IL1RAPL2: variants seen among roughly 807,000 people sequenced by gnomAD.
IL1RAPL2 encodes interleukin 1 receptor accessory protein like 2.
A neutral mutation model predicts 44.1 loss-of-function variants in IL1RAPL2; 3 were observed. The observed-to-expected ratio is 0.07, with a 90% CI of 0.03 to 0.18. IL1RAPL2 has a LOEUF of 0.18. Ranked by LOEUF, IL1RAPL2 falls within the 10% of genes least tolerant of loss-of-function variation. The probability of loss-of-function intolerance (pLI) is 1.00; values close to 1 mark genes in which losing one functional copy is unlikely to be tolerated. For synonymous variants in IL1RAPL2, 181 were observed against 178.8 expected (o/e 1.01, Z -0.10); for missense variants, 391 against 496.4 (o/e 0.79, Z 2.02).
At chrX:104,695,169 G>A (rs1397551113) in intron 2 of IL1RAPL2, among the ~76,000 whole-genome samples, 2 of 112,537 alleles carry the variant, frequency 1.8e-5, no homozygotes, top group African/African-American at 6.4e-5. Flanking sequence ...GACCTAGCTT[G>A]TGTGACTATC....
intron 4 of IL1RAPL2, among the ~76,000 whole-genome samples, chrX:105,252,150 A>G (rs945706545): frequency 3.6e-5 from 4 of 111,054 alleles, no homozygotes; most frequent in Non-Finnish European, 7.6e-5. Flanking sequence ...ATAATTTTCC[A>G]TTTTCCAGAA....
intron 1 of IL1RAPL2, among the ~76,000 whole-genome samples, chrX:104,642,255 T>C (rs905813061): frequency 8.9e-6 from 1 of 112,013 alleles, no homozygotes; most frequent in African/African-American, 3.2e-5. Context: ...TGACTGTCCA[T>C]ACACTATTTT....
intron 2 of IL1RAPL2, among the ~76,000 whole-genome samples, chrX:105,096,483 G>A (rs997852844): frequency 3.6e-5 from 4 of 112,429 alleles, no homozygotes; most frequent in African/African-American, 1.3e-4. Context: ...AATAAAATGT[G>A]TTATAACCAC....
intron 3 of IL1RAPL2, among the ~76,000 whole-genome samples, chrX:105,202,904 C>T (rs1341233597): frequency 1.8e-5 from 2 of 111,620 alleles, no homozygotes; most frequent in African/African-American, 6.5e-5. Context: ...TGTCATGGAC[C>T]TCAAATTGAC....
At chrX:105,526,074 T>G in intron 6 of IL1RAPL2, among the ~76,000 whole-genome samples, 1 of 111,988 alleles carries the variant, frequency 8.9e-6, no homozygotes, top group East Asian at 2.8e-4. Flanking sequence ...TAATAGTAAT[T>G]AAAATAACTA....
intron 6 of IL1RAPL2, among the ~76,000 whole-genome samples, chrX:105,633,849 T>TA (rs745382858): frequency 3.7e-4 from 41 of 111,249 alleles, no homozygotes; most frequent in Middle Eastern, 4.6e-3. Context: ...AGGGAGAAAA[T>TA]ATTTGGTGCC....
intron 2 of IL1RAPL2, among the ~76,000 whole-genome samples, chrX:104,927,626 A>G (rs1042348447): frequency 2.7e-5 from 3 of 111,896 alleles, no homozygotes; most frequent in Non-Finnish European, 3.8e-5. Flanking sequence ...TACGAAATCT[A>G]AAGTACACTT....
intron 2 of IL1RAPL2, among the ~76,000 whole-genome samples, chrX:104,951,288 C>G (rs1408176868): frequency 8.9e-6 from 1 of 112,166 alleles, no homozygotes; most frequent in Admixed American, 9.5e-5. Flanking sequence ...CAGGAGATCT[C>G]TATTTGTGAA....
intron 4 of IL1RAPL2, among the ~76,000 whole-genome samples, chrX:105,235,597 G>A (rs1229741915): frequency 5.4e-5 from 6 of 111,495 alleles, no homozygotes; most frequent in Non-Finnish European, 9.4e-5. Flanking sequence ...GTACTAGAAC[G>A]TCCAGGTCTC....
chrX:104,845,669 T>C (rs1308274319), intron 2 of IL1RAPL2, among the ~76,000 whole-genome samples: 1 of 111,862 alleles, frequency 8.9e-6, no homozygotes, highest in Non-Finnish European at 1.9e-5. Flanking sequence ...ATTATTGTTA[T>C]TGGGGATTTA....
chrX:104,643,519 G>A (rs975846728), intron 1 of IL1RAPL2, among the ~76,000 whole-genome samples: 1 of 111,413 alleles, frequency 9.0e-6, no homozygotes, highest in African/African-American at 3.3e-5. Flanking sequence ...GCTACCTGGG[G>A]CCTTAAAGAG....
chrX:104,599,315 A>G (rs7881893), intron 1 of IL1RAPL2, among the ~76,000 whole-genome samples: 3,157 of 111,453 alleles, frequency 0.028, 131 homozygotes, highest in African/African-American at 0.098. Flanking sequence ...TGGCGTGATC[A>G]TGGCTCACTC....
chrX:104,941,376 CTT>C (rs1925170078), intron 2 of IL1RAPL2, among the ~76,000 whole-genome samples: 5 of 111,227 alleles, frequency 4.5e-5, no homozygotes, highest in African/African-American at 1.3e-4. Flanking sequence ...TTTTTCCTGA[CTT>C]TTTAATGATC....
intron 2 of IL1RAPL2, among the ~76,000 whole-genome samples, chrX:104,696,719 G>C (rs1208000298): frequency 9.0e-6 from 1 of 111,612 alleles, no homozygotes; most frequent in Non-Finnish European, 1.9e-5. Context: ...GATTCTACAG[G>C]AAATGAAGTT....
At chrX:105,009,317 C>T (rs2031002749) in intron 2 of IL1RAPL2, among the ~76,000 whole-genome samples, 1 of 110,554 alleles carries the variant, frequency 9.0e-6, no homozygotes, top group Non-Finnish European at 1.9e-5. Flanking sequence ...TATTGCAGCA[C>T]TATTCACAAT....
chrX:105,670,127 ATATATATATATATATATAT>A (rs1324087700), intron 6 of IL1RAPL2, among the ~76,000 whole-genome samples: 6 of 48,384 alleles, frequency 1.2e-4, no homozygotes, highest in East Asian at 5.0e-4. Context: ...ATATATATAT[ATATATATATATATATATAT>A]ATCTCCACCA....
At chrX:104,722,840 G>A (rs912028379) in intron 2 of IL1RAPL2, among the ~76,000 whole-genome samples, 2 of 111,780 alleles carry the variant, frequency 1.8e-5, no homozygotes, top group African/African-American at 6.5e-5. Flanking sequence ...TCTGACGAAT[G>A]GATGGTATAG....
Position 105,096,823 on chromosome X carries a change from A to G in IL1RAPL2, c.83-98652A>G, listed in dbSNP as rs148491950. 7.1e-5 allele frequency among the ~76,000 whole-genome samples: 8 copies of G among 112,297 alleles called. No homozygotes were observed. In the East Asian group the frequency reaches 2.2e-3, roughly 31 times the overall value. ...CAAAGCCACTGAATTGCACACTTTA[A>G]ACATACAAATTTTATGTTTTATGAG... On this transcript the variant is annotated intron_variant, in intron 2 of 10. Transcript: ENST00000372582.
At chrX:105,658,712 G>A (rs1440924669) in intron 6 of IL1RAPL2, among the ~76,000 whole-genome samples, 5 of 108,975 alleles carry the variant, frequency 4.6e-5, no homozygotes, top group Non-Finnish European at 9.5e-5. Context: ...TGTAACCCCA[G>A]CACTTTGGGA....
Sources: allele counts gnomAD v4.1 joint callset (sites outside exome capture counted in the v4.1 genomes callset), GRCh38; gene constraint gnomAD v4.1.1; transcripts MANE v1.5; gene names NCBI Gene and HGNC (gene_info 2026-07-23, HGNC 2026-07-21).